OR1J1: variants seen among roughly 807,000 people sequenced by gnomAD.
OR1J1 encodes olfactory receptor 1J1.
For synonymous variants in OR1J1, 165 were observed against 157.2 expected (o/e 1.05, Z -0.37); for missense variants, 392 against 393.9 (o/e 1.00, Z 0.04).
Position 122,477,570 on chromosome 9 carries a change from T to C in OR1J1, c.357A>G (p.Ala119=). 6.2e-7 allele frequency: 1 copy of C among 1,614,092 alleles called. No individual in the cohort carries two copies. Among genetic ancestry groups the C allele is most frequent in the Non-Finnish European group, 8.5e-7 (1 of 1,179,910 alleles). Residue 119 remains alanine, a synonymous_variant, in exon 1 of 1, where the codon GCA becomes GCG. Coordinates refer to ENST00000259357, the MANE Select transcript of OR1J1 (RefSeq NM_001004451.1). ...GACAGATGGCCACATACCTGTCATA[T>C]GCCATTGAAGTGATAAGGAAACTGT... The part of the protein sequence containing the change: ...DLDSFLITSM[A]YDRYVAICHP...
rs1408418405 is a variant in OR1J1, at chr9:122,476,979, A to G, written c.948T>C (p.Asn316=). Residue 316 remains asparagine (N), a synonymous_variant, in exon 1 of 1, where the codon AAT becomes AAC. Transcript: ENST00000259357. ...SRSGAVAHAC[N]LNTLGG is the part of the protein sequence containing the mutation. ...TGCCTCAGCCTCCCAAAGTGTTGAG[A>G]TTACAGGCATGAGCCACTGCGCCTG... 1 of 1,513,148 alleles carries G rather than the reference A, an allele frequency of 6.6e-7. No homozygotes were observed. The highest frequency in any genetic ancestry group is 9.2e-7 in the Non-Finnish European group (1 of 1,089,824). 93.7% of individuals were successfully genotyped at this position (1,513,148 alleles called of 1,614,324 possible).
At position 122,477,868 on chromosome 9, in the gene OR1J1, C is replaced by T. The variant is rs780275293; in HGVS notation, c.59G>A (p.Arg20Gln). The T allele has an allele frequency of 9.9e-6, 16 of 1,612,946 alleles. No individual in the cohort carries two copies. The highest frequency in any genetic ancestry group is 4.4e-5 in the South Asian group (4 of 91,026). The change falls in exon 1 of 1, where the codon CGG becomes CAG. Residue 20 changes from arginine (R) to glutamine (Q), a missense_variant. Physicochemically the swap from Arg to Gln is conservative, Grantham distance 43. Coordinates refer to ENST00000259357, the MANE Select transcript of OR1J1 (RefSeq NM_001004451.1). ...GAAGAACACGGCCTGCTGCTCTGGC[C>T]GGATGGGGAGGCCCAGGAGGAGGAA... The part of the protein sequence containing the change: ...SEFLLLGLPI[R>Q]PEQQAVFFAL...
In OR1J1 at chr9:122,477,067, G is replaced by A; in HGVS notation, c.860C>T (p.Pro287Leu). 4 of 1,614,008 alleles carry A rather than the reference G, an allele frequency of 2.5e-6. No individual in the cohort carries two copies. The South Asian group carries it at 3.3e-5, about 13-fold the overall frequency. ...TTTATTTCTCAGACTGTAAATGAAT[G>A]GGTTCAACATGGGAGTGACTGCTGT... ...IYTAVTPMLNPFIYSLRNKDI... is the reference protein window; with the variant it reads ...IYTAVTPMLNLFIYSLRNKDI... The change falls in exon 1 of 1, where the codon CCA becomes CTA. Residue 287 changes from proline (P) to leucine (L), a missense_variant. Transcript: ENST00000259357.
rs761421391 is a variant in OR1J1 at position 122,477,639 on chromosome 9, T to C, written c.288A>G (p.Gly96=). The change falls in exon 1 of 1, where the codon GGA becomes GGG. Residue 96 remains glycine, a synonymous_variant. Coordinates refer to ENST00000259357, the MANE Select transcript of OR1J1 (RefSeq NM_001004451.1). ...TGAAAAAATATGTCTGTGAAATGCA[T>C]CCCTTGTAAAAGACGGCTAGGTGCT... ...QTQHLAVFYK[G]CISQTYFFIF... is the part of the protein sequence containing the mutation. The C allele has an allele frequency of 3.7e-6, 6 of 1,614,176 alleles. No homozygotes were observed. The highest frequency in any genetic ancestry group is 3.3e-4 in the Middle Eastern group (2 of 6,062).
chr9:122,477,054 A>C lies in OR1J1; in HGVS notation c.873T>G (p.Ser291Arg), dbSNP rs1002386194. The C allele has an allele frequency of 6.8e-6, 11 of 1,613,950 alleles. No individual in the cohort carries two copies. The highest frequency in any genetic ancestry group is 9.3e-6 in the Non-Finnish European group (11 of 1,179,938). The change falls in exon 1 of 1, where the codon AGT (serine) becomes AGG (arginine). Residue 291 changes from serine (S) to arginine (R), a missense_variant. Coordinates refer to ENST00000259357, the MANE Select transcript of OR1J1 (RefSeq NM_001004451.1). Reference protein sequence around the residue: ...VTPMLNPFIYSLRNKDIKGAL... With the variant: ...VTPMLNPFIYRLRNKDIKGAL... ...CTCCCTTAATGTCTTTATTTCTCAG[A>C]CTGTAAATGAATGGGTTCAACATGG...
At position 122,477,289 on chromosome 9, in the gene OR1J1, C is replaced by T. The variant is rs750331471; in HGVS notation, c.638G>A (p.Cys213Tyr). ...AATGTGACCATAAGAAACCAGGATGCACAGGAATGGAAGCATAATGGCTGT... is the reference window on the plus strand; with the variant it reads ...AATGTGACCATAAGAAACCAGGATGTACAGGAATGGAAGCATAATGGCTGT... The part of the protein sequence containing the change: ...ALTAIMLPFL[C>Y]ILVSYGHIGV... Residue 213 changes from cysteine to tyrosine, a missense_variant, in exon 1 of 1, where the codon TGC (cysteine) becomes TAC (tyrosine). Coordinates refer to ENST00000259357, the MANE Select transcript of OR1J1 (RefSeq NM_001004451.1). 7.4e-6 allele frequency: 12 copies of T among 1,613,982 alleles called. 1 individual carries two copies. The South Asian group carries it at 1.1e-4, about 15-fold the overall frequency.
Position 122,477,110 on chromosome 9 carries a change from T to C in OR1J1, c.817A>G (p.Ile273Val), listed in dbSNP as rs368370418. 70 of 1,613,722 alleles carry C rather than the reference T, an allele frequency of 4.3e-5. No individual in the cohort carries two copies. Among genetic ancestry groups the C allele is most frequent in the Non-Finnish European group, 5.7e-5 (67 of 1,179,750 alleles). ...ACTGCTGTGTATATCACTGAAGCAA[T>C]TATGTTCTTGTCATTGGTGTTGCTG... ...PSSNTNDKNI[I>V]ASVIYTAVTP... is the part of the protein sequence containing the mutation. The change falls in exon 1 of 1, where the codon ATT becomes GTT. Residue 273 changes from isoleucine (I) to valine (V), a missense_variant. By Grantham distance (29) the Ile-to-Val change is conservative (BLOSUM62 3). Coordinates refer to ENST00000259357, the MANE Select transcript of OR1J1 (RefSeq NM_001004451.1).
rs978273813 is a variant in OR1J1, at chr9:122,477,416, C to A, written c.511G>T (p.Asp171Tyr). Residue 171 changes from aspartate (D) to tyrosine (Y), a missense_variant, in exon 1 of 1, where the codon GAC becomes TAC. By Grantham distance (160) the Asp-to-Tyr change is radical. Transcript: ENST00000259357. ...LLLAQLSFCADHIIPHYFCDL... is the reference protein window; with the variant it reads ...LLLAQLSFCAYHIIPHYFCDL... ...CAGAAGTAGTGAGGGATGATGTGGT[C>A]AGCACAGAAGGAAAGCTGGGCCAGG... The A allele has an allele frequency of 9.3e-6, 15 of 1,613,834 alleles. No homozygotes were observed. Among genetic ancestry groups the A allele is most frequent in the Non-Finnish European group, 1.0e-5 (12 of 1,179,970 alleles).
Position 122,477,879 on chromosome 9 carries a change from G to A in OR1J1, c.48C>T (p.Gly16=), listed in dbSNP as rs113253939. Residue 16 remains glycine (G), a synonymous_variant, in exon 1 of 1, where the codon GGC becomes GGT. Transcript: ENST00000259357. ...CCTGCTGCTCTGGCCGGATGGGGAG[G>A]CCCAGGAGGAGGAACTCGGACACGC... is the stretch of plus-strand genomic sequence containing the variant. The part of the protein sequence containing the change: ...QSSVSEFLLL[G]LPIRPEQQAV... The A allele has an allele frequency of 6.5e-5, 105 of 1,612,098 alleles. 3 individuals are homozygous for A. The African/African-American group carries it at 1.1e-3, about 17-fold the overall frequency.
Position 122,477,195 on chromosome 9 carries a change from G to A in OR1J1, c.732C>T (p.His244=), listed in dbSNP as rs779867102. 15 of 1,614,174 alleles carry A rather than the reference G, an allele frequency of 9.3e-6. No individual in the cohort carries two copies. The highest frequency in any genetic ancestry group is 1.6e-4 in the Middle Eastern group (1 of 6,062). The part of the protein sequence containing the change: ...ICKALSTCGS[H]LSVVTIYYRT... ...GATAATAGATAGTCACCACTGAGAG[G>A]TGGGATCCACAAGTGGACAAGGCTT... The change falls in exon 1 of 1, where the codon CAC becomes CAT. Residue 244 remains histidine (H), a synonymous_variant. Coordinates refer to ENST00000259357, the MANE Select transcript of OR1J1 (RefSeq NM_001004451.1).
Position 122,477,587 on chromosome 9 carries a change from G to C in OR1J1, c.340C>G (p.Leu114Val). ...CTGTCATATGCCATTGAAGTGATAA[G>C]GAAACTGTCTAAGTCAGCAAAAAAT... ...FIFFADLDSF[L>V]ITSMAYDRYV... Residue 114 changes from leucine (L) to valine (V), a missense_variant, in exon 1 of 1, where the codon CTT becomes GTT. Leu to Val is a conservative substitution (Grantham distance 32). Coordinates refer to ENST00000259357, the MANE Select transcript of OR1J1 (RefSeq NM_001004451.1). 6.2e-7 allele frequency: 1 copy of C among 1,614,194 alleles called. No homozygotes were observed. Among genetic ancestry groups the C allele is most frequent in the Non-Finnish European group, 8.5e-7 (1 of 1,180,018 alleles).
rs375467553 is a variant in OR1J1, at chr9:122,477,239, A to G, written c.688T>C (p.Ser230Pro). 3.1e-6 allele frequency: 5 copies of G among 1,614,122 alleles called. No homozygotes were observed. The highest frequency in any genetic ancestry group is 2.7e-5 in the African/African-American group (2 of 75,040). Residue 230 changes from serine (S) to proline (P), a missense_variant, in exon 1 of 1, where the codon TCT (serine) becomes CCT (proline). Coordinates refer to ENST00000259357, the MANE Select transcript of OR1J1 (RefSeq NM_001004451.1). ...HIGVTILQIP[S>P]TKGICKALST... is the part of the protein sequence containing the mutation. Reference sequence around the variant, plus strand: ...AAGGCTTTGCATATGCCCTTGGTAGAGGGAATCTGGAGGATGGTGACCCCA... The same window carrying G: ...AAGGCTTTGCATATGCCCTTGGTAGGGGGAATCTGGAGGATGGTGACCCCA...
In OR1J1 at chr9:122,477,923, T is replaced by C; in HGVS notation, c.4A>G (p.Ser2Gly). 6.3e-7 allele frequency: 1 copy of C among 1,588,058 alleles called. No individual in the cohort carries two copies. The stretch of plus-strand genomic sequence containing the variant: ...GACACGCTGCTCTGGTTCTCAGGGC[T>C]CATGTTTATATCAGCTGGAGGGCAC... M[S>G]PENQSSVSEF... is the part of the protein sequence containing the mutation. The change falls in exon 1 of 1, where the codon AGC becomes GGC. Residue 2 changes from serine to glycine, a missense_variant. Transcript: ENST00000259357.
chr9:122,477,686 T>C lies in OR1J1; in HGVS notation c.241A>G (p.Met81Val). ...ISFSSVTVPKMLMNMQTQHLA... is the reference protein window; with the variant it reads ...ISFSSVTVPKVLMNMQTQHLA... ...TGCTGAGTCTGCATGTTCATCAGCATCTTAGGGACAGTGACAGATGAAAAG... is the reference window on the plus strand; with the variant it reads ...TGCTGAGTCTGCATGTTCATCAGCACCTTAGGGACAGTGACAGATGAAAAG... Residue 81 changes from methionine (M) to valine (V), a missense_variant, in exon 1 of 1, where the codon ATG (methionine) becomes GTG (valine). By Grantham distance (21) the Met-to-Val change is conservative. Transcript: ENST00000259357. The C allele has an allele frequency of 1.2e-6, 2 of 1,614,134 alleles. No homozygotes were observed. Among genetic ancestry groups the C allele is most frequent in the Non-Finnish European group, 1.7e-6 (2 of 1,179,986 alleles).
chr9:122,477,472 G>T lies in OR1J1; in HGVS notation c.455C>A (p.Ala152Asp). ...VMLVAGSWVI[A>D]CACALLHTLL... is the part of the protein sequence containing the mutation. ...GGTATGCAAAAGAGCACACGCACAAGCGATGACCCAGGACCCAGCCACCAG... is the reference window on the plus strand; with the variant it reads ...GGTATGCAAAAGAGCACACGCACAATCGATGACCCAGGACCCAGCCACCAG... Residue 152 changes from alanine to aspartate, a missense_variant, in exon 1 of 1, where the codon GCT (alanine) becomes GAT (aspartate). Transcript: ENST00000259357. The T allele has an allele frequency of 1.2e-6, 2 of 1,614,010 alleles. No individual in the cohort carries two copies. The highest frequency in any genetic ancestry group is 1.7e-6 in the Non-Finnish European group (2 of 1,179,954).
In OR1J1 at chr9:122,477,769, G is replaced by C. The variant is rs756658814; in HGVS notation, c.158C>G (p.Ser53Cys). Residue 53 changes from serine (S) to cysteine (C), a missense_variant, in exon 1 of 1, where the codon TCT becomes TGT. Physicochemically the swap from Ser to Cys is moderately radical, Grantham distance 112. Coordinates refer to ENST00000259357, the MANE Select transcript of OR1J1 (RefSeq NM_001004451.1). ...LLIMLLIQLD[S>C]HLHTPMYFFL... ...GAAGTACATGGGGGTGTGAAGGTGA[G>C]AGTCTAGCTGGATGAGCAGCATGAT... is the stretch of plus-strand genomic sequence containing the variant. The C allele has an allele frequency of 3.1e-6, 5 of 1,614,070 alleles. No individual in the cohort carries two copies. Among genetic ancestry groups the C allele is most frequent in the Non-Finnish European group, 4.2e-6 (5 of 1,180,040 alleles).
At position 122,477,139 on chromosome 9, in the gene OR1J1, G is replaced by A. The variant is rs1839575508; in HGVS notation, c.788C>T (p.Pro263Leu). 2 of 1,614,076 alleles carry A rather than the reference G, an allele frequency of 1.2e-6. No individual in the cohort carries two copies. The highest frequency in any genetic ancestry group is 1.7e-6 in the Non-Finnish European group (2 of 1,179,918). ...GTTCTTGTCATTGGTGTTGCTGGAT[G>A]GGGGAAGAAAATAGAGACCAATAAT... The part of the protein sequence containing the change: ...RTIIGLYFLP[P>L]SSNTNDKNII... Residue 263 changes from proline (P) to leucine (L), a missense_variant, in exon 1 of 1, where the codon CCA becomes CTA. Transcript: ENST00000259357.
At position 122,477,229 on chromosome 9, in the gene OR1J1, C is replaced by T. The variant is rs1839577599; in HGVS notation, c.698G>A (p.Gly233Asp). 1.2e-6 allele frequency: 2 copies of T among 1,614,044 alleles called. No individual in the cohort carries two copies. The highest frequency in any genetic ancestry group is 1.7e-6 in the Non-Finnish European group (2 of 1,179,922). The change falls in exon 1 of 1, where the codon GGC becomes GAC. Residue 233 changes from glycine (G) to aspartate (D), a missense_variant. Transcript: ENST00000259357. ...VTILQIPSTK[G>D]ICKALSTCGS... ...ACAAGTGGACAAGGCTTTGCATATG[C>T]CCTTGGTAGAGGGAATCTGGAGGAT...
rs1483587337 is a variant in OR1J1, at chr9:122,477,412, T to C, written c.515A>G (p.His172Arg). 6.2e-7 allele frequency: 1 copy of C among 1,613,984 alleles called. No individual in the cohort carries two copies. The highest frequency in any genetic ancestry group is 8.5e-7 in the Non-Finnish European group (1 of 1,179,970). ...LLAQLSFCAD[H>R]IIPHYFCDLG... ...GTCACAGAAGTAGTGAGGGATGATG[T>C]GGTCAGCACAGAAGGAAAGCTGGGC... The change falls in exon 1 of 1, where the codon CAC becomes CGC. Residue 172 changes from histidine (H) to arginine (R), a missense_variant. Coordinates refer to ENST00000259357, the MANE Select transcript of OR1J1 (RefSeq NM_001004451.1).
Sources: allele counts gnomAD v4.1 joint callset, GRCh38; gene constraint gnomAD v4.1.1; transcripts MANE v1.5; gene names NCBI Gene and HGNC (gene_info 2026-07-23, HGNC 2026-07-21).